Variants in TAFA4 observed in about 807,000 individuals in gnomAD.
TAFA4 encodes chemokine-like protein TAFA-4.
Under a neutral mutation model 21.1 loss-of-function variants are expected in TAFA4, and 20 were observed. The observed-to-expected ratio is 0.95, with a 90% CI of 0.67 to 1.38. The LOEUF is 1.38. Ranked by LOEUF, TAFA4 falls within the 40% of genes most tolerant of loss-of-function variation. The probability of loss-of-function intolerance (pLI) is 0.00; values close to 1 mark genes in which losing one functional copy is unlikely to be tolerated. For missense variants in TAFA4, 211 were observed against 180.9 expected, an observed-to-expected ratio of 1.17 and a Z score of -0.95; for synonymous variants, 71 against 67.4, an observed-to-expected ratio of 1.05 and a Z score of -0.26.
At chr3:68,763,375 C>T (rs562426064) in intron 3 of TAFA4, among the ~76,000 whole-genome samples, 28 of 152,276 alleles carry the variant, frequency 1.8e-4, no homozygotes, top group South Asian at 8.3e-4. Context: ...TTTCCCTTTT[C>T]CACTCAGAGC....
intron 3 of TAFA4, among the ~76,000 whole-genome samples, chr3:68,756,888 C>T (rs562633399): frequency 6.6e-6 from 1 of 152,232 alleles, no homozygotes; most frequent in South Asian, 2.1e-4. Context: ...AACTTTAGCA[C>T]TGAGTGAGCA....
intron 3 of TAFA4, among the ~76,000 whole-genome samples, chr3:68,826,358 G>A (rs1019332549): frequency 3.3e-5 from 5 of 152,186 alleles, no homozygotes; most frequent in African/African-American, 1.2e-4. Flanking sequence ...CAGATCATAA[G>A]GTCAGCCGAT....
At chr3:68,749,000 G>C (rs1194269865) in intron 4 of TAFA4, among the ~76,000 whole-genome samples, 6 of 152,156 alleles carry the variant, frequency 3.9e-5, no homozygotes, top group Non-Finnish European at 4.4e-5. Flanking sequence ...AAACAGACCT[G>C]TATATGCCAG....
At chr3:68,912,993 A>G (rs752670425) in intron 1 of TAFA4, among the ~76,000 whole-genome samples, 18 of 152,202 alleles carry the variant, frequency 1.2e-4, no homozygotes, top group Non-Finnish European at 2.5e-4. Flanking sequence ...TTCTGCCCCA[A>G]AATATTTCCC....
chr3:68,781,721 C>T (rs942585234), intron 3 of TAFA4, among the ~76,000 whole-genome samples: 3 of 152,008 alleles, frequency 2.0e-5, no homozygotes, highest in Non-Finnish European at 4.4e-5. Flanking sequence ...CAAACTCTTC[C>T]AGAAAAAGGA....
chr3:68,752,650 T>A (rs1031892607), intron 4 of TAFA4, among the ~76,000 whole-genome samples: 1 of 152,192 alleles, frequency 6.6e-6, no homozygotes, highest in African/African-American at 2.4e-5. Flanking sequence ...CCCTATAATA[T>A]AACTCCCCAT....
intron 1 of TAFA4, among the ~76,000 whole-genome samples, chr3:68,908,384 G>T (rs989549511): frequency 6.6e-6 from 1 of 152,086 alleles, no homozygotes; most frequent in Non-Finnish European, 1.5e-5. Flanking sequence ...GGGAAGCCAC[G>T]AGGCTCTATC....
chr3:68,844,227 C>A (rs931586640), intron 3 of TAFA4, among the ~76,000 whole-genome samples: 1 of 152,146 alleles, frequency 6.6e-6, no homozygotes, highest in Non-Finnish European at 1.5e-5. Flanking sequence ...GATTCGACTT[C>A]TTCCTGTTTT....
chr3:68,868,498 A>G (rs7621043), intron 3 of TAFA4, among the ~76,000 whole-genome samples: 4,721 of 152,104 alleles, frequency 0.031, 246 homozygotes, highest in African/African-American at 0.11. Flanking sequence ...TCACATGTTG[A>G]GTGACAAAAC....
At chr3:68,813,420 A>G (rs1204222035) in intron 3 of TAFA4, among the ~76,000 whole-genome samples, 2 of 152,234 alleles carry the variant, frequency 1.3e-5, no homozygotes, top group East Asian at 3.8e-4. Flanking sequence ...ATAGACCACT[A>G]GCAAGACTAA....
At chr3:68,925,767 C>T (rs544589761) in intron 1 of TAFA4, among the ~76,000 whole-genome samples, 1 of 152,310 alleles carries the variant, frequency 6.6e-6, no homozygotes, top group East Asian at 1.9e-4. Flanking sequence ...CACTCCAGAG[C>T]ACATCTGGGT....
chr3:68,732,914 A>T lies in TAFA4; in HGVS notation c.*228T>A. ...AGGTATGCTCCTTGGGAATCCAGAGAGGATGTCAAATGGGTGGTGGCTTGT... is the reference window on the plus strand; with the variant it reads ...AGGTATGCTCCTTGGGAATCCAGAGTGGATGTCAAATGGGTGGTGGCTTGT... On this transcript the variant is annotated 3_prime_UTR_variant, in exon 6 of 6. Coordinates refer to ENST00000295569, the MANE Select transcript of TAFA4 (RefSeq NM_182522.5). The T allele has an allele frequency of 1.9e-6, 1 of 538,744 alleles. No homozygotes were observed. The highest frequency in any genetic ancestry group is 3.3e-6 in the Non-Finnish European group (1 of 306,040). 33.4% of individuals were successfully genotyped at this position (538,744 alleles called of 1,614,324 possible).
intron 3 of TAFA4, among the ~76,000 whole-genome samples, chr3:68,754,872 G>A (rs977125315): frequency 1.4e-4 from 21 of 152,140 alleles, no homozygotes; most frequent in African/African-American, 5.1e-4. Flanking sequence ...GAGGAGCTGT[G>A]TCATATTCTC....
chr3:68,809,968 T>C (rs1262245304), intron 3 of TAFA4, among the ~76,000 whole-genome samples: 2 of 152,332 alleles, frequency 1.3e-5, no homozygotes, highest in Non-Finnish European at 2.9e-5. Context: ...TACTTGCTTG[T>C]AGCAGATTTT....
At chr3:68,780,700 T>C (rs1703138140) in intron 3 of TAFA4, among the ~76,000 whole-genome samples, 1 of 152,216 alleles carries the variant, frequency 6.6e-6, no homozygotes, top group South Asian at 2.1e-4. Flanking sequence ...TTGCCCATTC[T>C]CAGGTATGTC....
intron 3 of TAFA4, among the ~76,000 whole-genome samples, chr3:68,769,480 A>G (rs1702913615): frequency 6.6e-6 from 1 of 152,196 alleles, no homozygotes; most frequent in Admixed American, 6.5e-5. Context: ...CTGGTGCCAA[A>G]AAGGTTGGGG....
chr3:68,863,706 G>A (rs747246402), intron 3 of TAFA4, among the ~76,000 whole-genome samples: 2 of 152,102 alleles, frequency 1.3e-5, no homozygotes, highest in Non-Finnish European at 2.9e-5. Context: ...GATGTGATCT[G>A]TTTAAAATAT....
intron 1 of TAFA4, among the ~76,000 whole-genome samples, chr3:68,894,718 A>G (rs1283301449): frequency 6.6e-6 from 1 of 152,238 alleles, no homozygotes. Flanking sequence ...GAATACTTTA[A>G]CCATGTGAAA....
At position 68,827,597 on chromosome 3, in the gene TAFA4, A is replaced by T. The variant is rs1266700823; in HGVS notation, c.130+53133T>A. Reference sequence around the variant, plus strand: ...GCCATTCTAACTGGCAAGAGATGGTATCTCATTGTGGTTTTGATTTGCATT... The same window carrying T: ...GCCATTCTAACTGGCAAGAGATGGTTTCTCATTGTGGTTTTGATTTGCATT... On this transcript the variant is annotated intron_variant, in intron 3 of 5. Transcript: ENST00000295569. Among the ~76,000 whole-genome samples the T allele has an allele frequency of 2.6e-5, 4 of 152,160 alleles. No individual in the cohort carries two copies. In the East Asian group the frequency reaches 7.7e-4, roughly 29 times the overall value.
Sources: allele counts gnomAD v4.1 joint callset (sites outside exome capture counted in the v4.1 genomes callset), GRCh38; gene constraint gnomAD v4.1.1; transcripts MANE v1.5; gene names NCBI Gene and HGNC (gene_info 2026-07-23, HGNC 2026-07-21).